The following GRIP1 variants were observed in gnomAD, a reference collection of about 807,000 sequenced individuals.
The protein encoded by GRIP1 is glutamate receptor interacting protein 1.
In GRIP1, 45 loss-of-function variants were observed where a neutral mutation model predicts 129.9. The observed-to-expected ratio is 0.35, with a 90% CI of 0.27 to 0.44. The LOEUF (loss-of-function observed/expected upper bound fraction) is 0.44, where lower values mean the gene tolerates loss of function less well. Ranked by LOEUF, GRIP1 falls within the 20% of genes least tolerant of loss-of-function variation. The probability of loss-of-function intolerance (pLI) is 1.00; values close to 1 mark genes in which losing one functional copy is unlikely to be tolerated. For synonymous variants in GRIP1, 530 were observed against 520.8 expected (o/e 1.02, Z -0.24); for missense variants, 1,196 against 1,396.8 (o/e 0.86, Z 2.29).
intron 1 of GRIP1, among the ~76,000 whole-genome samples, chr12:66,930,098 T>C (rs1001312631): frequency 1.1e-4 from 16 of 151,072 alleles, no homozygotes; most frequent in Non-Finnish European, 1.5e-4. Flanking sequence ...CTTTTGGCCT[T>C]TATACTCTTT....
chr12:66,584,395 C>G (rs139845652), intron 2 of GRIP1, among the ~76,000 whole-genome samples: 1,834 of 151,584 alleles, frequency 0.012, 19 homozygotes, highest in Non-Finnish European at 0.02. Context: ...TACCCTAAAA[C>G]TTAAAGTATA....
chr12:66,896,862 A>T (rs2040758371), intron 1 of GRIP1, among the ~76,000 whole-genome samples: 1 of 152,242 alleles, frequency 6.6e-6, no homozygotes, highest in Non-Finnish European at 1.5e-5. Flanking sequence ...CCAAGATTTC[A>T]AAAACATTCC....
intron 1 of GRIP1, among the ~76,000 whole-genome samples, chr12:67,034,379 T>C (rs2043064736): frequency 6.6e-6 from 1 of 152,144 alleles, no homozygotes; most frequent in Non-Finnish European, 1.5e-5. Context: ...TGTGCAAACA[T>C]CATAGAGTGC....
chr12:66,977,846 T>C (rs2042179519), intron 1 of GRIP1, among the ~76,000 whole-genome samples: 1 of 134,410 alleles, frequency 7.4e-6, no homozygotes, highest in Non-Finnish European at 1.6e-5. Flanking sequence ...TGGCTCTTGC[T>C]CTTTCATCCA....
chr12:66,477,619 C>T (rs2059659072), intron 7 of GRIP1, among the ~76,000 whole-genome samples: 1 of 152,228 alleles, frequency 6.6e-6, no homozygotes, highest in African/African-American at 2.4e-5. Flanking sequence ...CGCTATCTGA[C>T]TTCAAACTAT....
At chr12:66,353,102 C>T (rs1019699078) in intron 24 of GRIP1, among the ~76,000 whole-genome samples, 3 of 152,092 alleles carry the variant, frequency 2.0e-5, no homozygotes, top group Non-Finnish European at 4.4e-5. Flanking sequence ...CGGATAACTA[C>T]GTCATATTTA....
intron 1 of GRIP1, among the ~76,000 whole-genome samples, chr12:66,858,260 C>T (rs865965404): frequency 7.2e-5 from 11 of 151,786 alleles, no homozygotes; most frequent in South Asian, 2.1e-4. Context: ...ACTAAAACAA[C>T]GCTATAAAAG....
At chr12:66,548,303 G>A (rs1418835918) in intron 2 of GRIP1, among the ~76,000 whole-genome samples, 1 of 152,158 alleles carries the variant, frequency 6.6e-6, no homozygotes, top group Non-Finnish European at 1.5e-5. Context: ...AGACACTAAA[G>A]GCTCTGTGGA....
chr12:66,459,800 T>G lies in GRIP1; in HGVS notation c.1042+3124A>C, dbSNP rs192121444. Reference sequence around the variant, plus strand: ...GAAGAGAGCTGCTGCCTATTTTGAATGTACACTCCAAATGTTTTCTGTTTT... The same window carrying G: ...GAAGAGAGCTGCTGCCTATTTTGAAGGTACACTCCAAATGTTTTCTGTTTT... On this transcript the variant is annotated intron_variant, in intron 9 of 24. Coordinates refer to ENST00000359742, the MANE Select transcript of GRIP1 (RefSeq NM_001366722.1). 5.5e-4 allele frequency among the ~76,000 whole-genome samples: 84 copies of G among 152,350 alleles called. 1 individual carries two copies. The highest frequency in any genetic ancestry group is 3.2e-4 in the Non-Finnish European group (22 of 68,024).
chr12:66,648,229 T>C (rs889396260), intron 1 of GRIP1, among the ~76,000 whole-genome samples: 3 of 152,182 alleles, frequency 2.0e-5, no homozygotes, highest in Non-Finnish European at 4.4e-5. Context: ...TTCTGCCTGG[T>C]TGGTGCCTGG....
At chr12:67,054,969 G>A (rs1399523526) in intron 1 of GRIP1, among the ~76,000 whole-genome samples, 1 of 152,096 alleles carries the variant, frequency 6.6e-6, no homozygotes, top group African/African-American at 2.4e-5. Flanking sequence ...CAAGTAATAC[G>A]TGATTGGAAA....
intron 1 of GRIP1, among the ~76,000 whole-genome samples, chr12:67,058,653 C>G (rs1208708022): frequency 1.3e-5 from 2 of 152,210 alleles, no homozygotes; most frequent in Non-Finnish European, 2.9e-5. Flanking sequence ...GCAAGGAAGA[C>G]TAGTAGAAGG....
At chr12:66,872,010 C>G (rs10506510) in intron 1 of GRIP1, among the ~76,000 whole-genome samples, 32,654 of 151,906 alleles carry the variant, frequency 0.21, 4,275 homozygotes, top group East Asian at 0.29. Flanking sequence ...ACATAACTGT[C>G]AAGTTTTCAA....
At chr12:66,589,436 C>T (rs1366600693) in intron 2 of GRIP1, among the ~76,000 whole-genome samples, 1 of 152,164 alleles carries the variant, frequency 6.6e-6, no homozygotes, top group Non-Finnish European at 1.5e-5. Context: ...TCAACAACTA[C>T]TTACTGACTA....
At chr12:66,818,393 T>C (rs548816070) in intron 1 of GRIP1, among the ~76,000 whole-genome samples, 15 of 152,338 alleles carry the variant, frequency 9.8e-5, no homozygotes, top group African/African-American at 3.4e-4. Context: ...TGGCAACAAA[T>C]GTTATCTGTT....
chr12:67,057,694 C>T (rs1370252331), intron 1 of GRIP1, among the ~76,000 whole-genome samples: 1 of 152,186 alleles, frequency 6.6e-6, no homozygotes, highest in South Asian at 2.1e-4. Flanking sequence ...ATATGTATAT[C>T]AGCATTCAGG....
In GRIP1 at chr12:66,627,077, G is replaced by C. The variant is rs2030163380; in HGVS notation, c.56-30150C>G. Among the ~76,000 whole-genome samples, 4 of 152,160 alleles carry C rather than the reference G, an allele frequency of 2.6e-5. No homozygotes were observed. The South Asian group carries it at 8.3e-4, about 31-fold the overall frequency. On this transcript the variant is annotated intron_variant, in intron 1 of 24. Coordinates refer to ENST00000359742, the MANE Select transcript of GRIP1 (RefSeq NM_001366722.1). ...TGCCCTACAAAGCATTATGACAGCTGTACTCATTCCTTTGATGAAGAATAC... is the reference window on the plus strand; with the variant it reads ...TGCCCTACAAAGCATTATGACAGCTCTACTCATTCCTTTGATGAAGAATAC...
rs116927428 is a variant in GRIP1 at position 66,460,924 on chromosome 12, T to C, written c.1042+2000A>G. ...ATTTATTTCCTCTTGGAAATCCAAG[T>C]CTGATTTTAATGTGCAATATAACGG... On this transcript the variant is annotated intron_variant, in intron 9 of 24. Transcript: ENST00000359742. Among the ~76,000 whole-genome samples the C allele has an allele frequency of 4.7e-3, 715 of 152,314 alleles. 2 individuals are homozygous for C. Among genetic ancestry groups the C allele is most frequent in the Non-Finnish European group, 7.4e-3 (503 of 68,028 alleles).
chr12:66,705,175 T>C (rs564934917), intron 1 of GRIP1, among the ~76,000 whole-genome samples: 7 of 152,216 alleles, frequency 4.6e-5, no homozygotes, highest in African/African-American at 1.7e-4. Flanking sequence ...GACTTTTCTA[T>C]TAAGAATAAC....
Sources: gnomAD v4.1 joint callset for allele counts (sites outside exome capture counted in the v4.1 genomes callset) on GRCh38, gnomAD v4.1.1 for gene constraint, MANE v1.5 for transcripts, NCBI Gene and HGNC (gene_info 2026-07-23, HGNC 2026-07-21) for gene names.